Variants in CCT7 observed in about 807,000 individuals in gnomAD.
The protein encoded by CCT7 is T-complex protein 1 subunit eta.
CCT7 carries 16 observed loss-of-function variants against 56.6 expected under a neutral mutation model. The ratio of observed to expected loss-of-function variants is 0.28; its 90% CI spans 0.19 to 0.43. The LOEUF is 0.43. Among genes scored for constraint, CCT7 ranks in the 20% least tolerant of loss-of-function variants. The pLI, the probability that CCT7 is intolerant of heterozygous loss-of-function variation, is 1.00. For missense variants in CCT7, 519 were observed against 685.6 expected, an observed-to-expected ratio of 0.76 and a Z score of 2.71; for synonymous variants, 262 against 254.8, an observed-to-expected ratio of 1.03 and a Z score of -0.27.
At chr2:73,238,964 C>T (rs529807970) in intron 1 of CCT7, 1 of 152,248 alleles carries the variant, frequency 6.6e-6, no homozygotes, top group African/African-American at 2.4e-5. Flanking sequence ...AGGAAAACTT[C>T]TTTGGGGTAT....
chr2:73,246,331 C>T (rs1199835735), intron 6 of CCT7, among the ~76,000 whole-genome samples: 2 of 152,206 alleles, frequency 1.3e-5, no homozygotes, highest in Non-Finnish European at 2.9e-5. Context: ...GTGTCACCAC[C>T]GTTTATTCAG....
In CCT7 at chr2:73,245,240, C is replaced by T. The variant is rs542229475; in HGVS notation, c.618+525C>T. Among the ~76,000 whole-genome samples, 3 of 152,314 alleles carry T rather than the reference C, an allele frequency of 2.0e-5. No individual in the cohort carries two copies. In the South Asian group the frequency reaches 6.2e-4, roughly 32 times the overall value. On this transcript the variant is annotated intron_variant, in intron 6 of 11. Transcript: ENST00000258091. The stretch of plus-strand genomic sequence containing the variant: ...CAGAATTACTTTGTGCATATATGAA[C>T]ATGTATGTAAATACTGTTTTTTAAA...
intron 6 of CCT7, among the ~76,000 whole-genome samples, chr2:73,245,824 A>G (rs951960854): frequency 2.6e-5 from 4 of 152,170 alleles, no homozygotes; most frequent in Non-Finnish European, 5.9e-5. Flanking sequence ...CTCTGTATGT[A>G]ATAAAGCTGT....
intron 1 of CCT7, chr2:73,239,006 T>C (rs996715983): frequency 1.3e-5 from 2 of 152,286 alleles, no homozygotes; most frequent in Non-Finnish European, 1.5e-5. Flanking sequence ...AGAAGCTTTA[T>C]TCAGCCAGCA....
intron 6 of CCT7, among the ~76,000 whole-genome samples, 157 bp from the exon 7 acceptor site, chr2:73,247,605 G>A (rs529543596): frequency 2.0e-4 from 31 of 151,794 alleles, no homozygotes; most frequent in East Asian, 1.7e-3. Flanking sequence ...ATTTGTCTTC[G>A]ATTTTATGAT....
chr2:73,238,897 C>T (rs1045299771), intron 1 of CCT7, among the ~76,000 whole-genome samples: 5 of 152,230 alleles, frequency 3.3e-5, no homozygotes, highest in South Asian at 2.1e-4. Context: ...AGCAGGTCTG[C>T]AAATGAAGCC....
Position 73,244,655 on chromosome 2 carries a change from C to A in CCT7, c.558C>A (p.Leu186=). 1 of 1,613,586 alleles carries A rather than the reference C, an allele frequency of 6.2e-7. No individual in the cohort carries two copies. The highest frequency in any genetic ancestry group is 8.5e-7 in the Non-Finnish European group (1 of 1,179,680). Residue 186 remains leucine, a synonymous_variant, in exon 6 of 12, where the codon CTC becomes CTA. Coordinates refer to ENST00000258091, the MANE Select transcript of CCT7 (RefSeq NM_006429.4). ...AKMVVDAVMM[L]DDLLQLKMIG... is the part of the protein sequence containing the mutation. ...TGGTGGTGGATGCAGTGATGATGCT[C>A]GATGATTTGCTGCAGCTTAAAATGA...
At chr2:73,234,412 C>T (rs753879867) in intron 1 of CCT7, 28 bp downstream of exon 1, 41 of 1,612,452 alleles carry the variant, frequency 2.5e-5, no homozygotes, top group Admixed American at 3.3e-5. Flanking sequence ...CATCCGTCGC[C>T]ATCAGCTGCC....
intron 4 of CCT7, chr2:73,243,765 C>G: frequency 1.2e-5 from 6 of 496,646 alleles, no homozygotes; most frequent in Non-Finnish European, 2.1e-5. Context: ...TTGGAAGCAC[C>G]CTGATTCTTC....
chr2:73,243,125 A>C lies in CCT7; in HGVS notation c.389A>C (p.Gln130Pro). ...ATTCGAGCTTTCCGCACAGCCACCC[A>C]GCTGGTATGGCAGTACTGATTAACC... ...IIIRAFRTAT[Q>P]LAVNKIKEIA... Residue 130 changes from glutamine (Q) to proline (P), a missense_variant, in exon 4 of 12, where the codon CAG (glutamine) becomes CCG (proline). Gln to Pro is a moderately conservative substitution (Grantham distance 76). Transcript: ENST00000258091. 1 of 1,613,966 alleles carries C rather than the reference A, an allele frequency of 6.2e-7. No individual in the cohort carries two copies. The highest frequency in any genetic ancestry group is 8.5e-7 in the Non-Finnish European group (1 of 1,179,864).
At chr2:73,242,874 C>T in intron 3 of CCT7, 130 bp from the exon 4 acceptor site, 1 of 1,100,582 alleles carries the variant, frequency 9.1e-7, no homozygotes, top group East Asian at 2.5e-5. Flanking sequence ...AAAACCTGTG[C>T]TTCCAGAAAA....
At chr2:73,244,309 C>A in intron 5 of CCT7, 1 of 602,318 alleles carries the variant, frequency 1.7e-6, no homozygotes, top group Non-Finnish European at 2.9e-6. Flanking sequence ...TTGGCTGTGT[C>A]CCAGCCCACA....
chr2:73,243,708 T>A, intron 4 of CCT7: 1 of 363,192 alleles, frequency 2.8e-6, no homozygotes, highest in Admixed American at 4.3e-5. Context: ...CACAGCTGTT[T>A]CCACTCATTC....
rs1372740558 is a variant in CCT7 at position 73,251,357 on chromosome 2, C to T, written c.1335C>T (p.Ile445=). 1.9e-6 allele frequency: 3 copies of T among 1,614,078 alleles called. No individual in the cohort carries two copies. Among genetic ancestry groups the T allele is most frequent in the Non-Finnish European group, 2.5e-6 (3 of 1,180,034 alleles). ...CATATGCCAAGGCCTTGGAGATTAT[C>T]CCACGCCAGCTGTGTGACAATGCTG... is the stretch of plus-strand genomic sequence containing the variant. ...IGAYAKALEI[I]PRQLCDNAGF... Residue 445 remains isoleucine, a synonymous_variant, in exon 11 of 12, where the codon ATC becomes ATT. Coordinates refer to ENST00000258091, the MANE Select transcript of CCT7 (RefSeq NM_006429.4).
Position 73,234,320 on chromosome 2 carries a change from T to C in CCT7, c.-59T>C. The C allele has an allele frequency of 6.2e-7, 1 of 1,611,074 alleles. No individual in the cohort carries two copies. Among genetic ancestry groups the C allele is most frequent in the Non-Finnish European group, 8.5e-7 (1 of 1,177,474 alleles). On this transcript the variant is annotated 5_prime_UTR_variant, in exon 1 of 12. Transcript: ENST00000258091. ...TATTGCGCGAGGCATTGTGGGTTGCTGGGCGGCCCGGTCTCGGAGAAGAGG... is the reference window on the plus strand; with the variant it reads ...TATTGCGCGAGGCATTGTGGGTTGCCGGGCGGCCCGGTCTCGGAGAAGAGG...
At chr2:73,244,284 G>T in intron 5 of CCT7, 1 of 610,290 alleles carries the variant, frequency 1.6e-6, no homozygotes, top group Non-Finnish European at 2.9e-6. Flanking sequence ...GGGCTGTTTG[G>T]CTCCTGCCAG....
At chr2:73,251,541 C>T in intron 11 of CCT7, 109 bp downstream of exon 11, 2 of 909,030 alleles carry the variant, frequency 2.2e-6, no homozygotes, top group Non-Finnish European at 3.4e-6. Context: ...AGATAGGCTG[C>T]AACTCCCCCC....
chr2:73,247,703 A>G, intron 6 of CCT7, 59 bp from the exon 7 acceptor site: 1 of 1,514,618 alleles, frequency 6.6e-7, no homozygotes, highest in South Asian at 1.2e-5. Flanking sequence ...GCAAACAACT[A>G]GCTTGATTTT....
chr2:73,246,320 G>A (rs1458965664), intron 6 of CCT7, among the ~76,000 whole-genome samples: 24 of 152,114 alleles, frequency 1.6e-4, no homozygotes, highest in Admixed American at 1.6e-3. Flanking sequence ...TGTCATAGTT[G>A]GTGTCACCAC....
Sources: gnomAD v4.1 joint callset for allele counts (sites outside exome capture counted in the v4.1 genomes callset) on GRCh38, gnomAD v4.1.1 for gene constraint, MANE v1.5 for transcripts, NCBI Gene and HGNC (gene_info 2026-07-23, HGNC 2026-07-21) for gene names.